FRMD6: variants seen among roughly 807,000 people sequenced by gnomAD.
FRMD6 encodes the protein FERM domain containing 6.
FRMD6 carries 37 observed loss-of-function variants against 73.2 expected under a neutral mutation model. The ratio of observed to expected loss-of-function variants is 0.51; its 90% CI spans 0.39 to 0.66. FRMD6 has a LOEUF of 0.66. Among genes scored for constraint, FRMD6 ranks in the 30% least tolerant of loss-of-function variants. The pLI, the probability that FRMD6 is intolerant of heterozygous loss-of-function variation, is 0.00. For missense variants in FRMD6, 714 were observed against 780.5 expected, an observed-to-expected ratio of 0.91 and a Z score of 1.02; for synonymous variants, 273 against 282.2, an observed-to-expected ratio of 0.97 and a Z score of 0.33.
chr14:51,457,524 G>T, the FRMD6 span, among the ~76,000 whole-genome samples: 286 of 152,304 alleles, frequency 1.9e-3, no homozygotes, highest in African/African-American at 6.3e-3. Context: ...GTGGCAAAGA[G>T]TTAGAGAAAT....
At chr14:51,655,338 C>T (rs552351259) in intron 1 of FRMD6, among the ~76,000 whole-genome samples, 1 of 151,936 alleles carries the variant, frequency 6.6e-6, no homozygotes, top group Admixed American at 6.6e-5. Flanking sequence ...GTGTTTATGT[C>T]GTGATTGTGT....
At chr14:51,491,142 A>C (rs939831288) in intron 1 of FRMD6, among the ~76,000 whole-genome samples, 1 of 152,162 alleles carries the variant, frequency 6.6e-6, no homozygotes, top group South Asian at 2.1e-4. Context: ...TCTCTTTTGC[A>C]TCGTTCTGAA....
chr14:51,419,473 C>T, the FRMD6 span, among the ~76,000 whole-genome samples: 2 of 152,148 alleles, frequency 1.3e-5, no homozygotes, highest in African/African-American at 2.4e-5. Flanking sequence ...AACAGAAACA[C>T]CTTAAAAGAT....
the FRMD6 span, among the ~76,000 whole-genome samples, chr14:51,478,628 G>A: frequency 6.6e-6 from 1 of 152,112 alleles, no homozygotes; most frequent in Admixed American, 6.5e-5. Flanking sequence ...AATGGGTGTG[G>A]GAAAGAGAAA....
At chr14:51,490,959 G>C (rs1418829604) in intron 1 of FRMD6, among the ~76,000 whole-genome samples, 1 of 152,142 alleles carries the variant, frequency 6.6e-6, no homozygotes, top group Non-Finnish European at 1.5e-5. Flanking sequence ...AGTTCCCTGG[G>C]CAAGGGCCCT....
In FRMD6 at chr14:51,668,237, G is replaced by A. The variant is rs538428249; in HGVS notation, c.-147+16241G>A. 3.9e-5 allele frequency among the ~76,000 whole-genome samples: 6 copies of A among 152,292 alleles called. No homozygotes were observed. The South Asian group carries it at 1.2e-3, about 32-fold the overall frequency. Reference sequence around the variant, plus strand: ...TTAGGAAAGGGATATGAAAGTAAAGGTGTTTTGAAATGATTACATATTATA... The same window carrying A: ...TTAGGAAAGGGATATGAAAGTAAAGATGTTTTGAAATGATTACATATTATA... On this transcript the variant is annotated intron_variant, in intron 1 of 13. Transcript: ENST00000344768.
chr14:51,558,076 A>ATAGT (rs1189312603), intron 1 of FRMD6, among the ~76,000 whole-genome samples: 1 of 152,238 alleles, frequency 6.6e-6, no homozygotes, highest in Non-Finnish European at 1.5e-5. Context: ...TTACAATTGT[A>ATAGT]TAGTTGTCTT....
intron 1 of FRMD6, among the ~76,000 whole-genome samples, chr14:51,682,823 T>C (rs1214063045): frequency 1.3e-5 from 2 of 152,192 alleles, no homozygotes; most frequent in African/African-American, 4.8e-5. Flanking sequence ...TTGGGTTACA[T>C]GTTCAGCATT....
chr14:51,615,817 A>G (rs1169546601), intron 2 of FRMD6, among the ~76,000 whole-genome samples: 13 of 152,226 alleles, frequency 8.5e-5, no homozygotes, highest in Non-Finnish European at 1.9e-4. Flanking sequence ...TCAAGTTATA[A>G]AAGATTAGTT....
At chr14:51,539,580 G>A (rs1224368274) in intron 1 of FRMD6, among the ~76,000 whole-genome samples, 1 of 152,098 alleles carries the variant, frequency 6.6e-6, no homozygotes, top group Admixed American at 6.5e-5. Flanking sequence ...TTAAAGTTGG[G>A]CATACCATCT....
At chr14:51,613,375 T>C (rs928596761) in intron 2 of FRMD6, among the ~76,000 whole-genome samples, 1 of 152,130 alleles carries the variant, frequency 6.6e-6, no homozygotes, top group Non-Finnish European at 1.5e-5. Flanking sequence ...GTGACCCAGA[T>C]AGAAAATGCA....
At chr14:51,424,127 C>T in the FRMD6 span, among the ~76,000 whole-genome samples, 1 of 152,046 alleles carries the variant, frequency 6.6e-6, no homozygotes, top group Non-Finnish European at 1.5e-5. Flanking sequence ...GGTACATAAG[C>T]CTTGATGAGG....
intron 1 of FRMD6, among the ~76,000 whole-genome samples, chr14:51,542,354 G>T (rs1162273159): frequency 6.6e-6 from 1 of 151,940 alleles, no homozygotes; most frequent in Non-Finnish European, 1.5e-5. Flanking sequence ...GCTCATTCTG[G>T]ATATTTTCTA....
At chr14:51,528,835 A>G (rs1331544308) in intron 1 of FRMD6, among the ~76,000 whole-genome samples, 1 of 152,204 alleles carries the variant, frequency 6.6e-6, no homozygotes, top group African/African-American at 2.4e-5. Flanking sequence ...AGTGCATCAA[A>G]GAGCTCCCAG....
the FRMD6 span, among the ~76,000 whole-genome samples, chr14:51,455,755 G>A: frequency 6.6e-6 from 1 of 152,186 alleles, no homozygotes; most frequent in East Asian, 1.9e-4. Flanking sequence ...CTGGGAATGA[G>A]AGGAGACAGC....
At chr14:51,410,702 C>T in the FRMD6 span, among the ~76,000 whole-genome samples, 4 of 152,176 alleles carry the variant, frequency 2.6e-5, no homozygotes, top group Non-Finnish European at 5.9e-5. Flanking sequence ...TGGTCAAACA[C>T]GTTCATACAT....
the FRMD6 span, among the ~76,000 whole-genome samples, chr14:51,467,354 T>C: frequency 6.6e-6 from 1 of 152,270 alleles, no homozygotes; most frequent in Non-Finnish European, 1.5e-5. Context: ...TGGAGTCTCC[T>C]ATGTCTACTT....
rs762907662 is a variant in FRMD6 at position 51,720,091 on chromosome 14, A to T, written c.1061A>T (p.Asn354Ile). 2 of 1,613,606 alleles carry T rather than the reference A, an allele frequency of 1.2e-6. No individual in the cohort carries two copies. The highest frequency in any genetic ancestry group is 4.5e-5 in the East Asian group (2 of 44,882). Reference protein sequence around the residue: ...KQYRESYISDNLDLDMDQLEK... With the variant: ...KQYRESYISDILDLDMDQLEK... ...TACCGGGAATCTTACATCAGTGACA[A>T]CCTGGACCTCGACATGGACCAGCTG... is the stretch of plus-strand genomic sequence containing the variant. The change falls in exon 11 of 14, where the codon AAC (asparagine) becomes ATC (isoleucine). Residue 354 changes from asparagine (N) to isoleucine (I), a missense_variant. Transcript: ENST00000344768.
upstream of FRMD6, among the ~76,000 whole-genome samples, chr14:51,486,184 G>A (rs139658496): frequency 0.057 from 8,594 of 152,022 alleles, 513 homozygotes; most frequent in Admixed American, 0.18. Context: ...ACAGGCGCCC[G>A]CCACCATGCC....
Sources: allele counts gnomAD v4.1 joint callset (sites outside exome capture counted in the v4.1 genomes callset), GRCh38; gene constraint gnomAD v4.1.1; transcripts MANE v1.5; gene names NCBI Gene and HGNC (gene_info 2026-07-23, HGNC 2026-07-21).